Variants in PAXIP1 observed in about 807,000 individuals in gnomAD.
PAXIP1 encodes the protein PAX-interacting protein 1.
A neutral mutation model predicts 140.6 loss-of-function variants in PAXIP1; 19 were observed. The observed-to-expected ratio is 0.14, with a 90% CI of 0.09 to 0.20. PAXIP1 has a LOEUF of 0.20. Ranked by LOEUF, PAXIP1 falls within the 10% of genes least tolerant of loss-of-function variation. PAXIP1 has a pLI of 1.00. For missense variants in PAXIP1, 920 were observed against 1,208.6 expected (o/e 0.76, Z 3.54); for synonymous variants, 442 against 444.6 (o/e 0.99, Z 0.07).
At chr7:154,944,585 T>C (rs1054384138) in intron 20 of PAXIP1, 10 of 155,242 alleles carry the variant, frequency 6.4e-5, no homozygotes, top group Middle Eastern at 3.1e-3. Flanking sequence ...TTGGGCAAAA[T>C]TCATCAAGCT....
intron 11 of PAXIP1, 137 bp downstream of exon 11, chr7:154,961,390 G>A (rs1808748345): frequency 7.4e-6 from 5 of 672,086 alleles, no homozygotes; most frequent in African/African-American, 3.6e-5. Context: ...CTATATCATT[G>A]TCATACTTTA....
intron 4 of PAXIP1, among the ~76,000 whole-genome samples, chr7:154,988,953 A>G (rs569739155): frequency 6.6e-6 from 1 of 152,250 alleles, no homozygotes; most frequent in Non-Finnish European, 1.5e-5. Flanking sequence ...AATAAAAATT[A>G]CATGTAACCA....
chr7:154,992,207 C>A (rs1222433270), intron 3 of PAXIP1, among the ~76,000 whole-genome samples: 1 of 152,122 alleles, frequency 6.6e-6, no homozygotes, highest in South Asian at 2.1e-4. Flanking sequence ...GGCTGGAGCG[C>A]AGTGGCACAA....
At position 154,946,001 on chromosome 7, in the gene PAXIP1, A is replaced by C; in HGVS notation, c.3194+364T>G. The C allele has an allele frequency of 2.0e-6, 2 of 985,088 alleles. No individual in the cohort carries two copies. Among genetic ancestry groups the C allele is most frequent in the Non-Finnish European group, 2.4e-6 (2 of 829,602 alleles). 61.0% of individuals were successfully genotyped at this position (985,088 alleles called of 1,614,324 possible). A position where few individuals can be genotyped will look rare whatever the true frequency, so the allele number is the denominator to read the frequency against. On this transcript the variant is annotated intron_variant, in intron 20 of 20. Transcript: ENST00000404141. The surrounding 1 kb of genome is among the most constrained non-coding windows in gnomAD (Gnocchi z 4.9). ...GAGTACAAAGACTATATACGAACTA[A>C]ATTTCATTTGGAAAACTACAAACTC...
chr7:154,961,454 G>A, intron 11 of PAXIP1, 73 bp downstream of exon 11: 1 of 1,251,792 alleles, frequency 8.0e-7, no homozygotes, highest in Non-Finnish European at 1.1e-6. Flanking sequence ...TACTAAAAAA[G>A]GCACAATTAT....
chr7:154,944,158 C>T lies in PAXIP1; in HGVS notation c.3201G>A (p.Lys1067=), dbSNP rs1807818003. Residue 1067 remains lysine (K), a synonymous_variant, in exon 21 of 21, where the codon AAG becomes AAA. Coordinates refer to ENST00000404141, the MANE Select transcript of PAXIP1 (RefSeq NM_007349.4). ...GGCAGCCTAGACGCCATCAGTTAAA[C>T]TTATATGTAGGCTTGTTGAGGAAAA... The part of the protein sequence containing the change: ...LTQTLDYESY[K]FN 1 of 1,609,300 alleles carries T rather than the reference C, an allele frequency of 6.2e-7. No homozygotes were observed. The highest frequency in any genetic ancestry group is 8.5e-7 in the Non-Finnish European group (1 of 1,177,030).
chr7:154,986,132 G>C lies in PAXIP1; in HGVS notation c.325-2800C>G. On this transcript the variant is annotated intron_variant, in intron 4 of 20. Transcript: ENST00000404141. This position sits in a 1 kb window ranked among gnomAD's most constrained non-coding sequence, Gnocchi z 4.8. The stretch of plus-strand genomic sequence containing the variant: ...AGCTCCCTTCCCTACCTCTCCCTGG[G>C]AGAGCTCTGGAAGACTCCAACAAAG... The C allele has an allele frequency of 7.3e-7, 1 of 1,362,894 alleles. No individual in the cohort carries two copies. The highest frequency in any genetic ancestry group is 9.8e-7 in the Non-Finnish European group (1 of 1,020,466). The allele number at this position is 1,362,894 out of a possible 1,614,324, so 84.4% of individuals were successfully genotyped here.
chr7:154,963,868 A>G lies in PAXIP1; in HGVS notation c.1894-102T>C. The stretch of plus-strand genomic sequence containing the variant: ...TATTAAAAGACTCTATCATATATTT[A>G]TATCATGTATTTCCTCAAAGTATCA... On this transcript the variant is annotated intron_variant, in intron 8 of 20. Transcript: ENST00000404141. The surrounding 1 kb of genome is among the most constrained non-coding windows in gnomAD (Gnocchi z 4.1). 1.3e-6 allele frequency: 1 copy of G among 754,938 alleles called. No individual in the cohort carries two copies. Among genetic ancestry groups the G allele is most frequent in the Non-Finnish European group, 2.3e-6 (1 of 430,144 alleles). 46.8% of individuals were successfully genotyped at this position (754,938 alleles called of 1,614,324 possible). A position where few individuals can be genotyped will look rare whatever the true frequency, so the allele number is the denominator to read the frequency against.
At chr7:154,964,722 C>G (rs1442372034) in intron 8 of PAXIP1, 1 of 152,202 alleles carries the variant, frequency 6.6e-6, no homozygotes, top group Admixed American at 6.5e-5. Context: ...ATTCTTCAAG[C>G]CTTCCTGATT....
intron 1 of PAXIP1, chr7:155,001,612 C>T (rs1257754271): frequency 6.6e-6 from 1 of 152,094 alleles, no homozygotes; most frequent in Admixed American, 6.6e-5. Context: ...ATTCTCCTGC[C>T]TCAGCCTCCC....
At chr7:154,948,959 T>C (rs1348599439) in intron 16 of PAXIP1, 3 of 152,130 alleles carry the variant, frequency 2.0e-5, no homozygotes, top group Non-Finnish European at 4.4e-5. Flanking sequence ...CAATTATTAA[T>C]AATTGACAGA....
At chr7:155,001,203 T>C (rs1423881137) in intron 1 of PAXIP1, 1 of 152,206 alleles carries the variant, frequency 6.6e-6, no homozygotes, top group Non-Finnish European at 1.5e-5. Context: ...TTTTAAGCAC[T>C]TAGATTTGAT....
chr7:154,978,607 T>C (rs1024884664), intron 5 of PAXIP1, among the ~76,000 whole-genome samples: 1 of 152,212 alleles, frequency 6.6e-6, no homozygotes, highest in Non-Finnish European at 1.5e-5. Context: ...AAAACCCAAG[T>C]TATTTTAGGA....
intron 4 of PAXIP1, among the ~76,000 whole-genome samples, chr7:154,990,713 A>T (rs1444129834): frequency 6.6e-6 from 1 of 152,068 alleles, no homozygotes; most frequent in Non-Finnish European, 1.5e-5. Flanking sequence ...CTTTGCCTGT[A>T]TTTCTAACTG....
At chr7:154,974,951 G>A (rs1461764291) in intron 6 of PAXIP1, among the ~76,000 whole-genome samples, 1 of 148,694 alleles carries the variant, frequency 6.7e-6, no homozygotes, top group Non-Finnish European at 1.5e-5. Flanking sequence ...TCAAAACCAG[G>A]CTGGCCAACA....
intron 1 of PAXIP1, 44 bp downstream of exon 1, chr7:155,002,805 G>T: frequency 8.6e-7 from 1 of 1,162,698 alleles, no homozygotes; most frequent in Non-Finnish European, 1.2e-6. Context: ...GACGGACGGG[G>T]ACGCGGACGG....
At chr7:154,944,685 G>A (rs1456041068) in intron 20 of PAXIP1, 1 of 152,394 alleles carries the variant, frequency 6.6e-6, no homozygotes, top group South Asian at 2.1e-4. Context: ...ATGTAGTGTA[G>A]AACAGGCTTT....
Position 154,946,575 on chromosome 7 carries a change from T to C in PAXIP1, c.3070A>G (p.Ile1024Val). Residue 1024 changes from isoleucine to valine, a missense_variant, in exon 19 of 21, where the codon ATA becomes GTA. By Grantham distance (29) the Ile-to-Val change is conservative. This residue lies in a region of PAXIP1 where 303 missense variants were observed against 517.9 expected (regional missense o/e 0.59). Coordinates refer to ENST00000404141, the MANE Select transcript of PAXIP1 (RefSeq NM_007349.4). This position sits in a 1 kb window ranked among gnomAD's most constrained non-coding sequence, Gnocchi z 4.9. ...TCATTTTCACAGGATATTAAAATTA[T>C]TTCCGACAAACTCTAAGGAAAAGAA... The part of the protein sequence containing the change: ...EHKQNSSLSE[I>V]ILISCENDLH... 2.5e-6 allele frequency: 4 copies of C among 1,613,910 alleles called. No homozygotes were observed. Among genetic ancestry groups the C allele is most frequent in the Non-Finnish European group, 2.5e-6 (3 of 1,179,808 alleles).
intron 20 of PAXIP1, chr7:154,944,723 A>G (rs936722121): frequency 1.3e-5 from 2 of 152,294 alleles, no homozygotes; most frequent in African/African-American, 4.8e-5. Context: ...ATGTTAGGAA[A>G]AAGTCTGGAA....
Sources: allele counts gnomAD v4.1 joint callset (sites outside exome capture counted in the v4.1 genomes callset), GRCh38; gene constraint gnomAD v4.1.1; regional missense constraint gnomAD v4.1.1; non-coding constraint Gnocchi (gnomAD v3.1); transcripts MANE v1.5; gene names NCBI Gene and HGNC (gene_info 2026-07-23, HGNC 2026-07-21).